NPAS3: variants seen among roughly 807,000 people sequenced by gnomAD.
NPAS3 encodes neuronal PAS domain-containing protein 3.
A neutral mutation model predicts 73.1 loss-of-function variants in NPAS3; 14 were observed. The ratio of observed to expected loss-of-function variants is 0.19; its 90% CI spans 0.13 to 0.30. The LOEUF is 0.30. Ranked by LOEUF, NPAS3 falls within the 10% of genes least tolerant of loss-of-function variation. NPAS3 has a pLI of 1.00. For missense variants in NPAS3, 1,096 were observed against 1,250.0 expected (o/e 0.88, Z 1.86); for synonymous variants, 620 against 541.5 (o/e 1.14, Z -2.01).
chr14:33,008,004 A>G (rs1249559356), intron 1 of NPAS3, among the ~76,000 whole-genome samples: 1 of 152,222 alleles, frequency 6.6e-6, no homozygotes, highest in African/African-American at 2.4e-5. Context: ...AATTTATTCC[A>G]GTTAAAGAAG....
At chr14:33,268,984 A>G (rs1389436384) in intron 3 of NPAS3, among the ~76,000 whole-genome samples, 1 of 152,104 alleles carries the variant, frequency 6.6e-6, no homozygotes, top group East Asian at 1.9e-4. Context: ...TGGCAGACTA[A>G]TGCTTTCTTG....
intron 2 of NPAS3, among the ~76,000 whole-genome samples, chr14:33,085,537 A>T (rs1261428949): frequency 6.6e-6 from 1 of 152,188 alleles, no homozygotes; most frequent in Non-Finnish European, 1.5e-5. Flanking sequence ...AGAATGATTC[A>T]TTCACAGTGG....
chr14:33,465,878 C>A (rs142628352), intron 4 of NPAS3, among the ~76,000 whole-genome samples: 31 of 152,016 alleles, frequency 2.0e-4, no homozygotes, highest in Middle Eastern at 3.4e-3. Context: ...TGGAATCACA[C>A]GAGATCCAAC....
At chr14:32,957,632 A>C (rs887375101) in intron 1 of NPAS3, among the ~76,000 whole-genome samples, 1 of 152,134 alleles carries the variant, frequency 6.6e-6, no homozygotes, top group Non-Finnish European at 1.5e-5. Context: ...TCGGCCTCCC[A>C]AAGTGCTGGG....
chr14:33,182,699 G>C lies in NPAS3; in HGVS notation c.141-32483G>C, dbSNP rs565410371. Among the ~76,000 whole-genome samples the C allele has an allele frequency of 5.3e-5, 8 of 152,138 alleles. No homozygotes were observed. In the East Asian group the frequency reaches 1.4e-3, roughly 26 times the overall value. On this transcript the variant is annotated intron_variant, in intron 2 of 11. Coordinates refer to ENST00000356141, the Ensembl canonical transcript of NPAS3. ...TACTCAACCTGTGATTGTCCACATG[G>C]GGTTCTGGTTCTGCCCAGCCGGTCC...
chr14:33,689,521 C>A (rs2060176633), intron 6 of NPAS3, among the ~76,000 whole-genome samples: 1 of 152,114 alleles, frequency 6.6e-6, no homozygotes, highest in Non-Finnish European at 1.5e-5. Flanking sequence ...TTCACTGACA[C>A]AGTGCTCCAG....
At chr14:33,729,541 C>G (rs2061351770) in intron 6 of NPAS3, among the ~76,000 whole-genome samples, 2 of 152,246 alleles carry the variant, frequency 1.3e-5, no homozygotes, top group South Asian at 4.1e-4. Flanking sequence ...AGCCGGAGCA[C>G]AGTCATCTGA....
chr14:33,358,372 C>A (rs1019717685), intron 3 of NPAS3, among the ~76,000 whole-genome samples: 4 of 152,166 alleles, frequency 2.6e-5, no homozygotes, highest in South Asian at 2.1e-4. Context: ...GGGTCCCAGT[C>A]CTTCAGGTTT....
intron 9 of NPAS3, among the ~76,000 whole-genome samples, chr14:33,787,576 A>T (rs2063215601): frequency 6.9e-6 from 1 of 145,398 alleles, no homozygotes; most frequent in South Asian, 2.3e-4. Context: ...ATTCTACCAA[A>T]TATTGCTCAG....
At chr14:33,735,826 T>C (rs1287142506) in intron 7 of NPAS3, among the ~76,000 whole-genome samples, 2 of 151,824 alleles carry the variant, frequency 1.3e-5, no homozygotes, top group Non-Finnish European at 2.9e-5. Context: ...ATTTCAAAAC[T>C]GTATTTATGG....
At chr14:33,087,195 TATA>T (rs199953626) in intron 2 of NPAS3, among the ~76,000 whole-genome samples, 6,660 of 106,380 alleles carry the variant, frequency 0.063, 457 homozygotes, top group African/African-American at 0.14. Flanking sequence ...TATAATATTG[TATA>T]ATAATATAGT....
chr14:33,127,412 G>A (rs1196308715), intron 2 of NPAS3, among the ~76,000 whole-genome samples: 2 of 152,074 alleles, frequency 1.3e-5, no homozygotes, highest in Non-Finnish European at 2.9e-5. Context: ...ATCTTTTGAT[G>A]TGGTAAATTA....
chr14:33,085,682 G>A (rs368345025), intron 2 of NPAS3, among the ~76,000 whole-genome samples: 12 of 151,854 alleles, frequency 7.9e-5, no homozygotes, highest in Admixed American at 7.2e-4. Flanking sequence ...TAAGCATGCC[G>A]TTTTTCTTGT....
chr14:33,506,677 G>A (rs1015829609), intron 4 of NPAS3, among the ~76,000 whole-genome samples: 5 of 151,960 alleles, frequency 3.3e-5, no homozygotes, highest in African/African-American at 1.2e-4. Flanking sequence ...GAAGCCATAG[G>A]CTATGATCCA....
chr14:33,020,943 G>A (rs995516953), intron 1 of NPAS3, among the ~76,000 whole-genome samples: 1 of 151,946 alleles, frequency 6.6e-6, no homozygotes, highest in African/African-American at 2.4e-5. Flanking sequence ...TGTATTTTTA[G>A]TAGAGATGGG....
At chr14:33,321,109 G>T (rs996869043) in intron 3 of NPAS3, among the ~76,000 whole-genome samples, 5 of 152,086 alleles carry the variant, frequency 3.3e-5, no homozygotes, top group African/African-American at 9.7e-5. Flanking sequence ...GGTGGAAGAG[G>T]TAATGAAATT....
At chr14:33,215,216 G>T in exon 3 of NPAS3, 1 of 1,613,734 alleles carries the variant, frequency 6.2e-7, no homozygotes, top group Non-Finnish European at 8.5e-7. Flanking sequence ...ATCCCGAGAT[G>T]CTGCTCGCTC....
chr14:33,666,470 C>G (rs1050547880), intron 5 of NPAS3, among the ~76,000 whole-genome samples: 2 of 152,174 alleles, frequency 1.3e-5, no homozygotes, highest in African/African-American at 4.8e-5. Context: ...CAGCATCACC[C>G]AGGAGCTTCC....
rs56063953 is a variant in NPAS3 at position 33,562,899 on chromosome 14, G to GCACA, written c.558+2705_558+2708dup. ...AAATTAAGCATTTGTTCTTTTATGA[G>GCACA]CACACACACACACACACACCCTTAA... On this transcript the variant is annotated intron_variant, in intron 5 of 11. Transcript: ENST00000356141. Among the ~76,000 whole-genome samples, 358 of 149,788 alleles carry GCACA rather than the reference G, an allele frequency of 2.4e-3. 1 individual carries two copies. Among genetic ancestry groups the GCACA allele is most frequent in the Admixed American group, 4.8e-3 (73 of 15,076 alleles).
Sources: gnomAD v4.1 joint callset for allele counts (sites outside exome capture counted in the v4.1 genomes callset) on GRCh38, gnomAD v4.1.1 for gene constraint, MANE v1.5 for transcripts, NCBI Gene and HGNC (gene_info 2026-07-23, HGNC 2026-07-21) for gene names.